Variants in NDC1 observed in about 807,000 individuals in gnomAD.
NDC1 encodes the protein NDC1 transmembrane nucleoporin.
A neutral mutation model predicts 89.8 loss-of-function variants in NDC1; 24 were observed. The observed-to-expected ratio is 0.27, with a 90% CI of 0.19 to 0.38. The LOEUF (loss-of-function observed/expected upper bound fraction) is 0.38, where lower values mean the gene tolerates loss of function less well. NDC1 is among the 10% of genes least tolerant of loss of function. NDC1 has a pLI of 1.00. For missense variants in NDC1, 728 were observed against 797.6 expected (o/e 0.91, Z 1.05); for synonymous variants, 296 against 284.8 (o/e 1.04, Z -0.39).
chr1:53,812,460 C>T (rs914862497), intron 6 of NDC1, among the ~76,000 whole-genome samples: 4 of 151,954 alleles, frequency 2.6e-5, no homozygotes, highest in African/African-American at 7.3e-5. Flanking sequence ...TTTAGAAATG[C>T]GAAATGCTCT....
At chr1:53,780,337 G>A (rs1453856392) in intron 16 of NDC1, among the ~76,000 whole-genome samples, 1 of 152,154 alleles carries the variant, frequency 6.6e-6, no homozygotes, top group East Asian at 1.9e-4. Flanking sequence ...GCCTCCCAAA[G>A]TCCTGGGATT....
chr1:53,776,247 G>A (rs764916101), intron 16 of NDC1, among the ~76,000 whole-genome samples: 8 of 152,010 alleles, frequency 5.3e-5, no homozygotes, highest in Non-Finnish European at 1.2e-4. Flanking sequence ...GTGAGCTACC[G>A]CGCCCGGTCC....
At chr1:53,768,106 AGAC>A in intron 17 of NDC1, 73 bp from the exon 18 acceptor site, 1 of 896,540 alleles carries the variant, frequency 1.1e-6, no homozygotes, top group Non-Finnish European at 1.6e-6. Flanking sequence ...CAGAGCACAG[AGAC>A]AATATTTTTC....
chr1:53,792,432 T>C (rs996502747), intron 14 of NDC1, among the ~76,000 whole-genome samples: 1 of 152,228 alleles, frequency 6.6e-6, no homozygotes, highest in Admixed American at 6.5e-5. Flanking sequence ...CTGAAATGAC[T>C]GTTATGCGTT....
At chr1:53,808,617 T>C (rs921340944) in intron 7 of NDC1, among the ~76,000 whole-genome samples, 1 of 152,166 alleles carries the variant, frequency 6.6e-6, no homozygotes, top group African/African-American at 2.4e-5. Context: ...CTGACATAAA[T>C]GAAGGACAGA....
At position 53,803,861 on chromosome 1, in the gene NDC1, A is replaced by G. The variant is rs189646494; in HGVS notation, c.1066+67T>C. On this transcript the variant is annotated intron_variant, in intron 10 of 17. Transcript: ENST00000371429. ...GCTGGGATTACAGGCTTGAGCCACCATGCCTGGCCAAGTGAATTACTTTCT... is the reference window on the plus strand; with the variant it reads ...GCTGGGATTACAGGCTTGAGCCACCGTGCCTGGCCAAGTGAATTACTTTCT... 600 of 1,240,298 alleles carry G rather than the reference A, an allele frequency of 4.8e-4. 4 individuals carry two copies. The East Asian group carries it at 0.01, about 22-fold the overall frequency. 76.8% of individuals were successfully genotyped at this position (1,240,298 alleles called of 1,614,324 possible).
chr1:53,780,894 C>G (rs1389449482), intron 16 of NDC1, among the ~76,000 whole-genome samples: 2 of 150,368 alleles, frequency 1.3e-5, no homozygotes, highest in African/African-American at 2.5e-5. Flanking sequence ...GGGTCTCACT[C>G]TGTTGCCCAG....
At chr1:53,801,791 A>T (rs1647928207) in intron 10 of NDC1, among the ~76,000 whole-genome samples, 1 of 152,098 alleles carries the variant, frequency 6.6e-6, no homozygotes, top group South Asian at 2.1e-4. Context: ...GAATCTTGCT[A>T]TGTTGCCCAG....
chr1:53,785,358 C>T (rs4927037), intron 16 of NDC1, among the ~76,000 whole-genome samples: 17,763 of 152,072 alleles, frequency 0.12, 1,167 homozygotes, highest in Non-Finnish European at 0.15. Flanking sequence ...CAGGGAATTG[C>T]TAGGAAACTA....
chr1:53,816,649 A>C (rs556293219), intron 6 of NDC1, among the ~76,000 whole-genome samples: 94 of 150,900 alleles, frequency 6.2e-4, no homozygotes, highest in Admixed American at 1.3e-3. Context: ...AAAAAACAAA[A>C]AAAAAAAAAA....
chr1:53,802,122 T>TA (rs1310100914), intron 10 of NDC1, among the ~76,000 whole-genome samples: 3 of 152,156 alleles, frequency 2.0e-5, no homozygotes, highest in Admixed American at 6.5e-5. Flanking sequence ...GAATATCTGG[T>TA]AAAAAACATT....
At chr1:53,826,379 C>T (rs1648863949) in intron 4 of NDC1, among the ~76,000 whole-genome samples, 1 of 152,198 alleles carries the variant, frequency 6.6e-6, no homozygotes, top group South Asian at 2.1e-4. Context: ...GGGCACAAGG[C>T]CTTTAAAGCA....
In NDC1 at chr1:53,803,940, G is replaced by T. The variant is rs1269667600; in HGVS notation, c.1054C>A (p.Leu352Ile). ...SPSRRQEVFS[L>I]SQPGGHPHNW... ...CTTTTAGCAATACCTGGTTGGCTGA[G>T]GCTGAAAACTTCTTGTCTTCGTGAA... Residue 352 changes from leucine (L) to isoleucine (I), a missense_variant, in exon 10 of 18, where the codon CTC becomes ATC. Coordinates refer to ENST00000371429, the MANE Select transcript of NDC1 (RefSeq NM_018087.5). 1.4e-5 allele frequency: 22 copies of T among 1,613,060 alleles called. No homozygotes were observed. Among genetic ancestry groups the T allele is most frequent in the Non-Finnish European group, 1.9e-5 (22 of 1,179,074 alleles).
At chr1:53,810,163 GTTATTCAGTACAGACACAGACAGCAA>G (rs1648255667) in intron 6 of NDC1, among the ~76,000 whole-genome samples, 1 of 152,186 alleles carries the variant, frequency 6.6e-6, no homozygotes, top group East Asian at 1.9e-4. Flanking sequence ...ACTTGGATCT[GTTATTCAGTACAGACACAGACAGCAA>G]AGCATGTAGT....
chr1:53,779,119 C>CAAAAAAAA (rs11412563), intron 16 of NDC1, among the ~76,000 whole-genome samples: 1 of 55,524 alleles, frequency 1.8e-5, no homozygotes, highest in Non-Finnish European at 3.5e-5. Flanking sequence ...GACTCTGTCG[C>CAAAAAAAA]AAAAAAAAAA....
At chr1:53,822,845 T>C (rs1240254225) in intron 5 of NDC1, among the ~76,000 whole-genome samples, 1 of 152,112 alleles carries the variant, frequency 6.6e-6, no homozygotes, top group East Asian at 1.9e-4. Flanking sequence ...AGCTCTAAAG[T>C]TCTCTGGTCA....
At chr1:53,796,509 A>G (rs983952877) in intron 13 of NDC1, among the ~76,000 whole-genome samples, 180 bp downstream of exon 13, 1 of 151,502 alleles carries the variant, frequency 6.6e-6, no homozygotes, top group African/African-American at 2.4e-5. Flanking sequence ...GTCAAGTCAT[A>G]TGAAATTACA....
intron 16 of NDC1, among the ~76,000 whole-genome samples, chr1:53,785,791 C>T (rs1340478379): frequency 6.6e-6 from 1 of 152,080 alleles, no homozygotes; most frequent in Non-Finnish European, 1.5e-5. Context: ...GCCCAGGCTT[C>T]TCTTCATATC....
At chr1:53,796,184 C>T (rs1647690330) in intron 13 of NDC1, among the ~76,000 whole-genome samples, 1 of 152,198 alleles carries the variant, frequency 6.6e-6, no homozygotes, top group Non-Finnish European at 1.5e-5. Context: ...CTAGTTAAGA[C>T]TTATATCAAA....
Sources: allele counts gnomAD v4.1 joint callset (sites outside exome capture counted in the v4.1 genomes callset), GRCh38; gene constraint gnomAD v4.1.1; transcripts MANE v1.5; gene names NCBI Gene and HGNC (gene_info 2026-07-23, HGNC 2026-07-21).